Variants in DOCK1 observed in about 807,000 individuals in gnomAD.
DOCK1 encodes the protein dedicator of cytokinesis protein 1.
DOCK1 carries 138 observed loss-of-function variants against 262.7 expected under a neutral mutation model. The observed-to-expected ratio is 0.53, with a 90% CI of 0.46 to 0.61. The LOEUF is 0.61. Ranked by LOEUF, DOCK1 falls within the 20% of genes least tolerant of loss-of-function variation. The pLI is 0.00. For missense variants in DOCK1, 1,908 were observed against 2,370.7 expected (o/e 0.80, Z 4.05); for synonymous variants, 866 against 867.4 (o/e 1.00, Z 0.03).
At chr10:126,994,079 A>G (rs2039996911) in intron 6 of DOCK1, among the ~76,000 whole-genome samples, 1 of 152,192 alleles carries the variant, frequency 6.6e-6, no homozygotes, top group Non-Finnish European at 1.5e-5. Flanking sequence ...TGTTAATTAC[A>G]GGAATATAAT....
At chr10:127,033,584 C>G (rs566760367) in intron 18 of DOCK1, among the ~76,000 whole-genome samples, 1 of 152,070 alleles carries the variant, frequency 6.6e-6, no homozygotes, top group Non-Finnish European at 1.5e-5. Flanking sequence ...CTTAACTGCC[C>G]GATACAGATT....
intron 29 of DOCK1, among the ~76,000 whole-genome samples, chr10:127,302,374 T>TG (rs1447883572): frequency 8.6e-5 from 13 of 151,998 alleles, no homozygotes; most frequent in Admixed American, 8.5e-4. Flanking sequence ...AGGAGAGCCC[T>TG]GGGGGGCCAC....
In DOCK1 at chr10:127,374,465, C is replaced by T. The variant is rs148412313; in HGVS notation, c.3675+251C>T. On this transcript the variant is annotated intron_variant, in intron 35 of 51. Transcript: ENST00000623213. ...CTTGTCGTTGTGAATGATGACTCAC[C>T]GTATCTTGCAGCCAGGGTAGTGCCT... 4.5e-3 allele frequency among the ~76,000 whole-genome samples: 679 copies of T among 152,216 alleles called. 6 individuals carry two copies. Among genetic ancestry groups the T allele is most frequent in the Middle Eastern group, 0.01 (3 of 294 alleles).
At chr10:127,299,393 C>T (rs761196374) in intron 29 of DOCK1, among the ~76,000 whole-genome samples, 2 of 152,170 alleles carry the variant, frequency 1.3e-5, no homozygotes, top group Admixed American at 6.5e-5. Flanking sequence ...CGTGAGCCGC[C>T]GCGCCCGGCC....
chr10:127,162,791 A>G (rs752706953), intron 27 of DOCK1, among the ~76,000 whole-genome samples: 1 of 152,226 alleles, frequency 6.6e-6, no homozygotes, highest in Non-Finnish European at 1.5e-5. Context: ...GTCCCAGTTC[A>G]TCTGGGGCTT....
intron 27 of DOCK1, among the ~76,000 whole-genome samples, chr10:127,192,406 C>T (rs776115944): frequency 1.8e-4 from 27 of 152,192 alleles, no homozygotes; most frequent in Non-Finnish European, 3.8e-4. Context: ...TTCTCTCAGT[C>T]CCAATTAGAG....
intron 29 of DOCK1, among the ~76,000 whole-genome samples, chr10:127,328,693 G>A (rs1178122356): frequency 1.3e-5 from 2 of 152,304 alleles, no homozygotes; most frequent in East Asian, 1.9e-4. Context: ...TTGGGCGTCT[G>A]GGTGTGTGTT....
At chr10:127,022,642 C>T (rs2042520779) in intron 13 of DOCK1, among the ~76,000 whole-genome samples, 1 of 152,178 alleles carries the variant, frequency 6.6e-6, no homozygotes, top group African/African-American at 2.4e-5. Context: ...GTGATCTACC[C>T]ACCTCGGCAT....
intron 1 of DOCK1, among the ~76,000 whole-genome samples, chr10:126,912,483 T>C (rs7916270): frequency 0.057 from 8,545 of 150,976 alleles, 260 homozygotes; most frequent in African/African-American, 0.081. Context: ...TCCTAGCACT[T>C]TGGGAGGCCA....
chr10:127,209,047 G>A (rs1589953353), intron 27 of DOCK1, among the ~76,000 whole-genome samples: 1 of 152,072 alleles, frequency 6.6e-6, no homozygotes, highest in Non-Finnish European at 1.5e-5. Context: ...TTTCATGTGT[G>A]TTTAACCGAA....
chr10:126,985,719 C>T (rs17692028), intron 4 of DOCK1, among the ~76,000 whole-genome samples: 6,792 of 152,254 alleles, frequency 0.045, 206 homozygotes, highest in Middle Eastern at 0.1. Flanking sequence ...GGGATGACAC[C>T]GTAGCATGTA....
At chr10:127,028,591 T>C (rs1385641622) in intron 16 of DOCK1, among the ~76,000 whole-genome samples, 1 of 152,174 alleles carries the variant, frequency 6.6e-6, no homozygotes, top group Admixed American at 6.5e-5. Context: ...CTCCAATGCC[T>C]TGGGGGAGTG....
chr10:127,247,758 G>A (rs551847279), intron 27 of DOCK1, among the ~76,000 whole-genome samples: 2 of 152,240 alleles, frequency 1.3e-5, no homozygotes, highest in East Asian at 3.9e-4. Context: ...CCCCTCAAGG[G>A]TTTTGCTTTT....
At chr10:127,312,101 C>A (rs1168351864) in intron 29 of DOCK1, among the ~76,000 whole-genome samples, 1 of 152,056 alleles carries the variant, frequency 6.6e-6, no homozygotes, top group African/African-American at 2.4e-5. Flanking sequence ...TCTCGTGGTT[C>A]AAATGGTGGC....
chr10:127,370,648 A>G (rs1201806006), intron 33 of DOCK1, among the ~76,000 whole-genome samples: 1 of 152,222 alleles, frequency 6.6e-6, no homozygotes, highest in Non-Finnish European at 1.5e-5. Context: ...CCAATAGCCT[A>G]TGGTTAGCTG....
At chr10:127,408,851 T>C (rs1209844129) in intron 40 of DOCK1, among the ~76,000 whole-genome samples, 186 bp from the exon 41 acceptor site, 1 of 151,984 alleles carries the variant, frequency 6.6e-6, no homozygotes, top group Non-Finnish European at 1.5e-5. Context: ...ACATGCTTGA[T>C]GACCATGTGT....
At chr10:127,261,215 GTGTGCATGTGGGTGTGCGTGTGTGTA>G (rs1295283842) in intron 29 of DOCK1, among the ~76,000 whole-genome samples, 43 of 60,606 alleles carry the variant, frequency 7.1e-4, no homozygotes, top group Non-Finnish European at 1.2e-3. Flanking sequence ...ACCTGCATGT[GTGTGCATGTGGGTGTGCGTGTGTGTA>G]CCTGCATGTG....
At chr10:127,078,366 C>T (rs1369079028) in intron 23 of DOCK1, among the ~76,000 whole-genome samples, 2 of 152,000 alleles carry the variant, frequency 1.3e-5, no homozygotes, top group East Asian at 1.9e-4. Context: ...CAAGGAGCCC[C>T]TTTGGGGGTG....
Position 127,403,103 on chromosome 10 carries a change from G to A in DOCK1, c.3976G>A (p.Glu1326Lys). 6.2e-7 allele frequency: 1 copy of A among 1,612,856 alleles called. No homozygotes were observed. The highest frequency in any genetic ancestry group is 8.5e-7 in the Non-Finnish European group (1 of 1,179,476). Residue 1326 changes from glutamate to lysine, a missense_variant, in exon 39 of 52, where the codon GAG becomes AAG. This residue lies in a region of DOCK1 where 267 missense variants were observed against 366.3 expected (regional missense o/e 0.73). Transcript: ENST00000623213. The stretch of plus-strand genomic sequence containing the variant: ...GGGCAAGGAGCTAGCCGAGCAGTAT[G>A]AGAACGAAATGTTTGATTATGAGCA... ...ALGKELAEQY[E>K]NEMFDYEQLS...
Sources: gnomAD v4.1 joint callset for allele counts (sites outside exome capture counted in the v4.1 genomes callset) on GRCh38, gnomAD v4.1.1 for gene constraint, gnomAD v4.1.1 regional missense constraint, MANE v1.5 for transcripts, NCBI Gene and HGNC (gene_info 2026-07-23, HGNC 2026-07-21) for gene names.